The following ALPK2 variants were observed in gnomAD, a reference collection of about 807,000 sequenced individuals.
ALPK2 encodes the protein alpha-protein kinase 2.
Under a neutral mutation model 163.1 loss-of-function variants are expected in ALPK2, and 127 were observed. The observed-to-expected ratio is 0.78, with a 90% CI of 0.67 to 0.90. ALPK2 has a LOEUF of 0.90. Ranked by LOEUF, ALPK2 falls within the 40% of genes least tolerant of loss-of-function variation. ALPK2 has a pLI of 0.00. For synonymous variants in ALPK2, 953 were observed against 959.1 expected (o/e 0.99, Z 0.12); for missense variants, 2,360 against 2,589.6 (o/e 0.91, Z 1.92).
chr18:58,613,750 A>G (rs1289633623), intron 1 of ALPK2, among the ~76,000 whole-genome samples: 1 of 149,910 alleles, frequency 6.7e-6, no homozygotes, highest in Non-Finnish European at 1.5e-5. Flanking sequence ...ATAATAAAAT[A>G]AAAAGACGGC....
intron 3 of ALPK2, among the ~76,000 whole-genome samples, chr18:58,604,562 G>C (rs193225811): frequency 1.6e-4 from 24 of 152,224 alleles, no homozygotes; most frequent in African/African-American, 5.3e-4. Context: ...CAGAACTACC[G>C]GTATAAAAAG....
Position 58,580,298 on chromosome 18 carries a change from AC to A in ALPK2, c.477del (p.Arg159SerfsTer89). On this transcript the variant is annotated frameshift_variant, in exon 4 of 13. Transcript: ENST00000361673. LOFTEE classifies it high-confidence loss of function. Reference sequence around the variant, plus strand: ...GATTTGGAGGGGGAGGAGTCAGCTGACCTGGGAGTGCCCGGGGAGATGCTTT... The same window carrying A: ...GATTTGGAGGGGGAGGAGTCAGCTGACTGGGAGTGCCCGGGGAGATGCTTT... ...EEESISPGTP[R>X]SADSSPSKSN... The A allele has an allele frequency of 6.2e-6, 10 of 1,614,120 alleles. No individual in the cohort carries two copies. The highest frequency in any genetic ancestry group is 8.5e-6 in the Non-Finnish European group (10 of 1,180,024).
intron 4 of ALPK2, among the ~76,000 whole-genome samples, chr18:58,575,891 T>C (rs559518650): frequency 1.3e-5 from 2 of 152,294 alleles, no homozygotes; most frequent in African/African-American, 4.8e-5. Flanking sequence ...TGAACATACC[T>C]AGAGATGCAT....
chr18:58,622,045 G>T (rs2052203825), intron 1 of ALPK2, among the ~76,000 whole-genome samples: 1 of 151,448 alleles, frequency 6.6e-6, no homozygotes. Flanking sequence ...AAAGCTCAAG[G>T]TTAAATAAAA....
At chr18:58,561,794 T>C (rs1252626694) in intron 4 of ALPK2, among the ~76,000 whole-genome samples, 6 of 152,156 alleles carry the variant, frequency 3.9e-5, no homozygotes, top group Admixed American at 3.9e-4. Flanking sequence ...CCAAGCAACC[T>C]CCCAGCTCAT....
chr18:58,525,839 T>C (rs2051581427), intron 6 of ALPK2, among the ~76,000 whole-genome samples: 1 of 151,968 alleles, frequency 6.6e-6, no homozygotes, highest in African/African-American at 2.4e-5. Flanking sequence ...GTAGTATTAG[T>C]GGGGAACAGT....
intron 3 of ALPK2, among the ~76,000 whole-genome samples, chr18:58,592,820 C>T (rs888433232): frequency 6.6e-5 from 10 of 152,346 alleles, no homozygotes; most frequent in Non-Finnish European, 1.3e-4. Flanking sequence ...TGCTCCGCAG[C>T]GTTGGAGAAG....
At position 58,504,115 on chromosome 18, in the gene ALPK2, C is replaced by T; in HGVS notation, c.6063G>A (p.Glu2021=). The T allele has an allele frequency of 1.9e-6, 3 of 1,614,194 alleles. No homozygotes were observed. The highest frequency in any genetic ancestry group is 2.5e-6 in the Non-Finnish European group (3 of 1,180,024). ...IIPIFLIHRP[E]NNIPYATVEE... The stretch of plus-strand genomic sequence containing the variant: ...CCACTGTAGCATACGGGATATTGTT[C>T]TCAGGCCGATGGATAAGAAAAATAG... The change falls in exon 11 of 13, where the codon GAG becomes GAA. Residue 2021 remains glutamate, a synonymous_variant. Coordinates refer to ENST00000361673, the MANE Select transcript of ALPK2 (RefSeq NM_052947.4).
rs934702205 is a variant in ALPK2, at chr18:58,481,288, C to T, written c.*535G>A. ...AATTTAATTAAACAGAAAATTGTAACTGGCTGTTGAATGATGGGAAATGGC... is the reference window on the plus strand; with the variant it reads ...AATTTAATTAAACAGAAAATTGTAATTGGCTGTTGAATGATGGGAAATGGC... On this transcript the variant is annotated 3_prime_UTR_variant, in exon 13 of 13. Coordinates refer to ENST00000361673, the MANE Select transcript of ALPK2 (RefSeq NM_052947.4). The T allele has an allele frequency of 1.9e-5, 3 of 155,986 alleles. No homozygotes were observed. Among genetic ancestry groups the T allele is most frequent in the Non-Finnish European group, 2.8e-5 (2 of 70,392 alleles). 9.7% of individuals were successfully genotyped at this position (155,986 alleles called of 1,614,324 possible).
chr18:58,502,456 CTG>C (rs2051437678), intron 11 of ALPK2, among the ~76,000 whole-genome samples: 1 of 152,202 alleles, frequency 6.6e-6, no homozygotes, highest in Non-Finnish European at 1.5e-5. Context: ...CAAAACAACT[CTG>C]TGTGGAAGTT....
At chr18:58,595,296 C>T (rs2052035616) in intron 3 of ALPK2, among the ~76,000 whole-genome samples, 1 of 152,170 alleles carries the variant, frequency 6.6e-6, no homozygotes, top group African/African-American at 2.4e-5. Context: ...TCTTGCGATC[C>T]CTTTCCCATG....
rs1424387122 is a variant in ALPK2, at chr18:58,579,166, AC to A, written c.1609del (p.Val537Ter). 2 of 1,613,874 alleles carry A rather than the reference AC, an allele frequency of 1.2e-6. No homozygotes were observed. The highest frequency in any genetic ancestry group is 1.7e-6 in the Non-Finnish European group (2 of 1,180,004). On this transcript the variant is annotated frameshift_variant, in exon 4 of 13. Transcript: ENST00000361673. LOFTEE classifies it high-confidence loss of function. ...SKRGSRKSAR[V>X]RQPGMKGNPK... ...ATTTCCCTTCATTCCCGGCTGCCTC[AC>A]CCTGGCAGATTTCCTTGAACCCCTC...
chr18:58,569,131 C>T (rs1233327620), intron 4 of ALPK2, among the ~76,000 whole-genome samples: 1 of 152,122 alleles, frequency 6.6e-6, no homozygotes. Flanking sequence ...GGAGGATCAC[C>T]TGAGGTCCAG....
intron 1 of ALPK2, among the ~76,000 whole-genome samples, chr18:58,615,840 A>ACG (rs2052164416): frequency 2.0e-5 from 3 of 152,250 alleles, no homozygotes; most frequent in African/African-American, 7.2e-5. Flanking sequence ...ACTCCTCCCC[A>ACG]GGTGATGACT....
intron 3 of ALPK2, among the ~76,000 whole-genome samples, chr18:58,582,505 C>T (rs984557271): frequency 3.3e-5 from 5 of 151,296 alleles, no homozygotes; most frequent in African/African-American, 9.7e-5. Flanking sequence ...TTCAAGCGGA[C>T]TCTTCTCAGA....
chr18:58,573,112 C>T (rs939810213), intron 4 of ALPK2, among the ~76,000 whole-genome samples: 1 of 151,728 alleles, frequency 6.6e-6, no homozygotes, highest in Non-Finnish European at 1.5e-5. Context: ...CTCTTAAAAA[C>T]ATTATACTTA....
In ALPK2 at chr18:58,619,322, G is replaced by T. The variant is rs184195611; in HGVS notation, c.-20-7505C>A. ...CTTGGAAGCTTCAGTCACTTCTAAA[G>T]GTTGGTGTAAGAAGCATAACTTCTC... On this transcript the variant is annotated intron_variant, in intron 1 of 12. Transcript: ENST00000361673. Among the ~76,000 whole-genome samples, 103 of 150,100 alleles carry T rather than the reference G, an allele frequency of 6.9e-4. 1 individual carries two copies. Among genetic ancestry groups the T allele is most frequent in the Non-Finnish European group, 9.7e-4 (66 of 68,030 alleles).
At position 58,579,739 on chromosome 18, in the gene ALPK2, C is replaced by T. The variant is rs2144198724; in HGVS notation, c.1037G>A (p.Arg346Lys). The T allele has an allele frequency of 1.2e-6, 2 of 1,614,220 alleles. No individual in the cohort carries two copies. Among genetic ancestry groups the T allele is most frequent in the Middle Eastern group, 1.6e-4 (1 of 6,062 alleles). Reference sequence around the variant, plus strand: ...AACATGCTCAGTCCCCAGCAGGTTCCTTTGCCAAACTGCATTAGAGTAATC... The same window carrying T: ...AACATGCTCAGTCCCCAGCAGGTTCTTTTGCCAAACTGCATTAGAGTAATC... ...MTDYSNAVWQ[R>K]NLLGTEHVFL... is the part of the protein sequence containing the mutation. Residue 346 changes from arginine (R) to lysine (K), a missense_variant, in exon 4 of 13, where the codon AGG (arginine) becomes AAG (lysine). Arg to Lys is a conservative substitution (Grantham distance 26). Coordinates refer to ENST00000361673, the MANE Select transcript of ALPK2 (RefSeq NM_052947.4).
intron 4 of ALPK2, among the ~76,000 whole-genome samples, chr18:58,577,014 C>T (rs929749932): frequency 2.0e-5 from 3 of 152,170 alleles, no homozygotes; most frequent in Non-Finnish European, 4.4e-5. Flanking sequence ...ACAGGTTGGA[C>T]CTTCAGCTGA....
Sources: gnomAD v4.1 joint callset for allele counts (sites outside exome capture counted in the v4.1 genomes callset) on GRCh38, gnomAD v4.1.1 for gene constraint, MANE v1.5 for transcripts, NCBI Gene and HGNC (gene_info 2026-07-23, HGNC 2026-07-21) for gene names.